The following KSR2 variants were observed in gnomAD, a reference collection of about 807,000 sequenced individuals.
KSR2 encodes the protein kinase suppressor of ras 2.
Under a neutral mutation model 107.8 loss-of-function variants are expected in KSR2, and 25 were observed. The observed-to-expected ratio is 0.23, with a 90% CI of 0.17 to 0.32. KSR2 has a LOEUF of 0.32. Among genes scored for constraint, KSR2 ranks in the 10% least tolerant of loss-of-function variants. The pLI is 1.00. For missense variants in KSR2, 887 were observed against 1,268.9 expected (o/e 0.70, Z 4.57); for synonymous variants, 480 against 507.0 (o/e 0.95, Z 0.71).
chr12:117,955,082 T>C (rs1896474237), intron 1 of KSR2, among the ~76,000 whole-genome samples: 1 of 151,940 alleles, frequency 6.6e-6, no homozygotes, highest in Non-Finnish European at 1.5e-5. Context: ...GAATGCATGA[T>C]TCCATTTAAT....
intron 4 of KSR2, among the ~76,000 whole-genome samples, chr12:117,672,598 A>C (rs1318740468): frequency 2.0e-5 from 3 of 152,120 alleles, no homozygotes; most frequent in Admixed American, 2.0e-4. Flanking sequence ...ATTGAAGCCA[A>C]GCTGCAATTT....
chr12:117,888,592 G>A (rs2137348160), intron 1 of KSR2, among the ~76,000 whole-genome samples: 1 of 152,260 alleles, frequency 6.6e-6, no homozygotes, highest in Admixed American at 6.5e-5. Flanking sequence ...GGAACAGGAA[G>A]AAACCAGAAC....
chr12:117,709,538 G>C (rs902425673), intron 4 of KSR2, among the ~76,000 whole-genome samples: 22 of 152,232 alleles, frequency 1.4e-4, no homozygotes, highest in Admixed American at 6.5e-4. Flanking sequence ...TGCTCGGCCT[G>C]CTCAGAAGGC....
intron 5 of KSR2, among the ~76,000 whole-genome samples, chr12:117,591,711 T>TA (rs562589540): frequency 0.21 from 30,609 of 142,604 alleles, 3,228 homozygotes; most frequent in South Asian, 0.29. Flanking sequence ...CACCCCTGCT[T>TA]AAAAAAAAAA....
At chr12:117,629,671 T>G (rs1882715630) in intron 5 of KSR2, among the ~76,000 whole-genome samples, 1 of 152,210 alleles carries the variant, frequency 6.6e-6, no homozygotes, top group South Asian at 2.1e-4. Flanking sequence ...AGAAATAAAT[T>G]ACTCCTATAT....
intron 3 of KSR2, among the ~76,000 whole-genome samples, chr12:117,851,239 C>T (rs779056237): frequency 2.6e-5 from 4 of 152,034 alleles, no homozygotes; most frequent in Non-Finnish European, 4.4e-5. Context: ...CAGAGGGAGG[C>T]CTATGTGGAG....
intron 14 of KSR2, among the ~76,000 whole-genome samples, chr12:117,521,446 G>A (rs1156271811): frequency 3.3e-5 from 5 of 152,134 alleles, no homozygotes; most frequent in Non-Finnish European, 5.9e-5. Flanking sequence ...ATTTCACTTG[G>A]AGTTTTTAAC....
chr12:117,642,693 C>G (rs567599366), intron 5 of KSR2, among the ~76,000 whole-genome samples: 17 of 152,326 alleles, frequency 1.1e-4, no homozygotes, highest in African/African-American at 4.1e-4. Context: ...GGACCTTTTT[C>G]ATTAATCAAT....
chr12:117,516,545 A>G (rs967749321), intron 14 of KSR2, among the ~76,000 whole-genome samples: 2 of 152,202 alleles, frequency 1.3e-5, no homozygotes, highest in African/African-American at 2.4e-5. Context: ...TATCATTATT[A>G]TTATAGCATC....
chr12:117,579,214 A>G lies in KSR2; in HGVS notation c.1242-12T>C, dbSNP rs1455231381. 2 of 1,603,396 alleles carry G rather than the reference A, an allele frequency of 1.2e-6. No homozygotes were observed. The highest frequency in any genetic ancestry group is 1.7e-5 in the Admixed American group (1 of 59,838). ...ACTTGGTGGAAAACCTGTGGAAAAG[A>G]GACAGAAAATGTTCAAGGTTAAGGA... On this transcript the variant is annotated splice_polypyrimidine_tract_variant and intron_variant, in intron 6 of 19. Coordinates refer to ENST00000339824, the MANE Select transcript of KSR2 (RefSeq NM_173598.6).
chr12:117,766,333 T>G (rs1889224633), intron 3 of KSR2, among the ~76,000 whole-genome samples: 1 of 151,930 alleles, frequency 6.6e-6, no homozygotes, highest in African/African-American at 2.4e-5. Flanking sequence ...ATATGAAAAA[T>G]CCCAAAGAGG....
At chr12:117,685,678 G>A (rs1885541660) in intron 4 of KSR2, among the ~76,000 whole-genome samples, 3 of 152,228 alleles carry the variant, frequency 2.0e-5, no homozygotes, top group Admixed American at 2.0e-4. Flanking sequence ...ACAGCAGAGG[G>A]GAGGGGCCCA....
chr12:117,874,339 C>T (rs918588254), intron 1 of KSR2, among the ~76,000 whole-genome samples: 2 of 152,018 alleles, frequency 1.3e-5, no homozygotes, highest in African/African-American at 4.8e-5. Context: ...CTCAAGCAAT[C>T]CTCCCACCTC....
At chr12:117,635,818 GTC>G (rs1291112390) in intron 5 of KSR2, among the ~76,000 whole-genome samples, 1 of 145,126 alleles carries the variant, frequency 6.9e-6, no homozygotes, top group Non-Finnish European at 1.5e-5. Context: ...TTGAGACAGA[GTC>G]TTGCTCTGTC....
chr12:117,525,304 G>A, intron 13 of KSR2, 85 bp from the exon 14 acceptor site: 4 of 1,414,530 alleles, frequency 2.8e-6, no homozygotes, highest in South Asian at 1.4e-5. Flanking sequence ...CCGTGCACAT[G>A]CGTAGGTCTG....
At chr12:117,918,252 C>T (rs543681934) in intron 1 of KSR2, among the ~76,000 whole-genome samples, 85 of 152,308 alleles carry the variant, frequency 5.6e-4, no homozygotes, top group Admixed American at 2.2e-3. Flanking sequence ...AACCTAAACC[C>T]AACATGGTGT....
intron 3 of KSR2, among the ~76,000 whole-genome samples, chr12:117,836,129 TA>T (rs1892203608): frequency 6.6e-6 from 1 of 152,122 alleles, no homozygotes; most frequent in African/African-American, 2.4e-5. Flanking sequence ...GATTGGGTGC[TA>T]ACTTTTTTCT....
intron 17 of KSR2, among the ~76,000 whole-genome samples, chr12:117,471,808 T>C (rs945945024): frequency 3.9e-5 from 6 of 152,128 alleles, no homozygotes; most frequent in Admixed American, 3.9e-4. Context: ...AAATGCTCAA[T>C]ATATAACCTT....
chr12:117,863,764 A>G (rs1441998391), intron 1 of KSR2, among the ~76,000 whole-genome samples: 3 of 152,160 alleles, frequency 2.0e-5, no homozygotes, highest in African/African-American at 7.2e-5. Flanking sequence ...GGTTCCTTCC[A>G]GAGGCTCCAG....
Sources: allele counts gnomAD v4.1 joint callset (sites outside exome capture counted in the v4.1 genomes callset), GRCh38; gene constraint gnomAD v4.1.1; transcripts MANE v1.5; gene names NCBI Gene and HGNC (gene_info 2026-07-23, HGNC 2026-07-21).